DROSHA: variants seen among roughly 807,000 people sequenced by gnomAD.
DROSHA encodes the protein ribonuclease 3.
In DROSHA, 56 loss-of-function variants were observed where a neutral mutation model predicts 181.9. The observed-to-expected ratio is 0.31, with a 90% CI of 0.25 to 0.38. DROSHA has a LOEUF of 0.38. DROSHA is among the 10% of genes least tolerant of loss of function. The pLI is 1.00. For synonymous variants in DROSHA, 524 were observed against 591.2 expected (o/e 0.89, Z 1.65); for missense variants, 1,218 against 1,743.5 (o/e 0.70, Z 5.37).
At chr5:31,421,968 T>C (rs779190664) in intron 29 of DROSHA, 2 of 137,632 alleles carry the variant, frequency 1.5e-5, no homozygotes, top group Non-Finnish European at 3.0e-5. Flanking sequence ...CACACGCCTA[T>C]AGTCCCCAGC....
At chr5:31,499,529 C>T (rs4867342) in intron 11 of DROSHA, among the ~76,000 whole-genome samples, 146,215 of 152,238 alleles carry the variant, frequency 0.96, 70,370 homozygotes, top group East Asian at 1. Context: ...AGCTGTACAC[C>T]GGAAGCAAGC....
At chr5:31,504,503 G>A in intron 11 of DROSHA, 52 bp downstream of exon 11, 1 of 1,578,140 alleles carries the variant, frequency 6.3e-7, no homozygotes, top group Non-Finnish European at 8.7e-7. Flanking sequence ...AACAACATCT[G>A]TCTACTTCTG....
chr5:31,457,943 A>C (rs1486034012), intron 20 of DROSHA, among the ~76,000 whole-genome samples: 1 of 152,182 alleles, frequency 6.6e-6, no homozygotes, highest in Non-Finnish European at 1.5e-5. Context: ...AAGTAAAATG[A>C]AACAAATGAA....
intron 28 of DROSHA, 105 bp downstream of exon 28, chr5:31,424,322 G>T: frequency 7.1e-7 from 1 of 1,413,230 alleles, no homozygotes; most frequent in Non-Finnish European, 9.7e-7. Context: ...CAATGCCACC[G>T]AAGAGAATCA....
intron 11 of DROSHA, among the ~76,000 whole-genome samples, chr5:31,501,053 G>A (rs1203200851): frequency 2.0e-5 from 3 of 152,206 alleles, no homozygotes; most frequent in Non-Finnish European, 4.4e-5. Context: ...GAGGTGGCCA[G>A]ATCCCAGGAG....
At chr5:31,446,171 G>A (rs1168276156) in intron 23 of DROSHA, among the ~76,000 whole-genome samples, 5 of 152,110 alleles carry the variant, frequency 3.3e-5, no homozygotes, top group Admixed American at 6.5e-5. Context: ...TCCAGGCCGG[G>A]CGTGGTGGCT....
rs564856148 is a variant in DROSHA at position 31,409,523 on chromosome 5, G to C, written c.3668-191C>G. Reference sequence around the variant, plus strand: ...ATCAGAAGCAGCAAGAGATGTGTAAGATGCAAATCATAGAGTACAAACACC... The same window carrying C: ...ATCAGAAGCAGCAAGAGATGTGTAACATGCAAATCATAGAGTACAAACACC... On this transcript the variant is annotated intron_variant, in intron 31 of 35. Transcript: ENST00000344624. The surrounding 1 kb of genome is among the most constrained non-coding windows in gnomAD (Gnocchi z 4.0). 1.2e-5 allele frequency: 7 copies of C among 580,974 alleles called. No homozygotes were observed. In the East Asian group the frequency reaches 2.1e-4, roughly 17 times the overall value. 36.0% of individuals were successfully genotyped at this position (580,974 alleles called of 1,614,324 possible). A position where few individuals can be genotyped will look rare whatever the true frequency, so the allele number is the denominator to read the frequency against.
At chr5:31,466,148 C>A in intron 19 of DROSHA, 34 bp downstream of exon 19, 1 of 1,593,976 alleles carries the variant, frequency 6.3e-7, no homozygotes, top group Non-Finnish European at 8.6e-7. Flanking sequence ...AGCACATCAT[C>A]GTTAATCACC....
At chr5:31,451,386 C>A in intron 21 of DROSHA, 147 bp downstream of exon 21, 1 of 638,742 alleles carries the variant, frequency 1.6e-6, no homozygotes, top group Non-Finnish European at 2.6e-6. Context: ...GCAGCAGAGG[C>A]AACCAGGGTA....
chr5:31,483,293 C>T (rs943816660), intron 16 of DROSHA, among the ~76,000 whole-genome samples: 2 of 152,146 alleles, frequency 1.3e-5, no homozygotes, highest in African/African-American at 2.4e-5. Context: ...TCCACATTAA[C>T]ACACCCGCAT....
chr5:31,416,498 A>C (rs1326105710), intron 30 of DROSHA, among the ~76,000 whole-genome samples: 1 of 152,198 alleles, frequency 6.6e-6, no homozygotes, highest in Admixed American at 6.5e-5. Context: ...AACTGAGGTA[A>C]AGGCCAGGAA....
At chr5:31,483,678 A>G in intron 15 of DROSHA, 50 bp from the exon 16 acceptor site, 3 of 1,524,272 alleles carry the variant, frequency 2.0e-6, no homozygotes, top group Non-Finnish European at 2.7e-6. Context: ...CTCAGTCTTA[A>G]AAAACAAGCA....
chr5:31,414,332 A>C (rs765476768), intron 30 of DROSHA, among the ~76,000 whole-genome samples: 65 of 152,224 alleles, frequency 4.3e-4, no homozygotes, highest in Admixed American at 2.0e-4. Flanking sequence ...GGAAATATCT[A>C]TTTATATATT....
At chr5:31,434,541 C>T (rs774351889) in intron 25 of DROSHA, among the ~76,000 whole-genome samples, 13 of 152,188 alleles carry the variant, frequency 8.5e-5, no homozygotes, top group Admixed American at 2.0e-4. Context: ...CAAAGCCTAC[C>T]ACTGTAGCTA....
In DROSHA at chr5:31,405,712, G is replaced by A. The variant is rs2149984216; in HGVS notation, c.3959C>T (p.Ala1320Val). The A allele has an allele frequency of 6.5e-7, 1 of 1,544,036 alleles. No individual in the cohort carries two copies. The highest frequency in any genetic ancestry group is 8.7e-7 in the Non-Finnish European group (1 of 1,148,152). Residue 1320 changes from alanine (A) to valine (V), a missense_variant, in exon 35 of 36, where the codon GCG becomes GTG. Physicochemically the swap from Ala to Val is moderately conservative, Grantham distance 64. This residue lies in a region of DROSHA where 48 missense variants were observed against 124.9 expected (regional missense o/e 0.38). Transcript: ENST00000344624. ...CGCATCCATTGCTGCTCCCATTTCC[G>A]CTTGCTGAATACTATTAAATAAAAT... ...GCGKGPSIQQ[A>V]EMGAAMDALE... is the part of the protein sequence containing the mutation.
intron 21 of DROSHA, among the ~76,000 whole-genome samples, chr5:31,450,787 G>A (rs960407542): frequency 5.9e-5 from 9 of 152,136 alleles, no homozygotes; most frequent in African/African-American, 1.9e-4. Flanking sequence ...ATTCATCCAT[G>A]TAGTCAAAAA....
chr5:31,424,508 G>A, intron 27 of DROSHA, 37 bp from the exon 28 acceptor site: 4 of 1,568,802 alleles, frequency 2.5e-6, no homozygotes, highest in Non-Finnish European at 3.5e-6. Context: ...GCTCAAGGGA[G>A]CCATTTAACG....
chr5:31,443,836 G>A (rs1404061051), intron 23 of DROSHA, among the ~76,000 whole-genome samples: 1 of 152,128 alleles, frequency 6.6e-6, no homozygotes, highest in Non-Finnish European at 1.5e-5. Flanking sequence ...AATAGCCTGG[G>A]ATAAAAGTAG....
chr5:31,436,822 C>T (rs1744898976), intron 24 of DROSHA, among the ~76,000 whole-genome samples: 2 of 149,932 alleles, frequency 1.3e-5, no homozygotes, highest in Non-Finnish European at 3.0e-5. Flanking sequence ...ATTAAAATTA[C>T]TTGTAAGCTT....
Sources: allele counts gnomAD v4.1 joint callset (sites outside exome capture counted in the v4.1 genomes callset), GRCh38; gene constraint gnomAD v4.1.1; regional missense constraint gnomAD v4.1.1; non-coding constraint Gnocchi (gnomAD v3.1); transcripts MANE v1.5; gene names NCBI Gene and HGNC (gene_info 2026-07-23, HGNC 2026-07-21).